The following GRID1 variants were observed in gnomAD, a reference collection of about 807,000 sequenced individuals.
GRID1 encodes the protein glutamate receptor ionotropic, delta-1.
A neutral mutation model predicts 98.0 loss-of-function variants in GRID1; 28 were observed. The ratio of observed to expected loss-of-function variants is 0.29; its 90% CI spans 0.21 to 0.39. The LOEUF (loss-of-function observed/expected upper bound fraction) is 0.39. Ranked by LOEUF, GRID1 falls within the 10% of genes least tolerant of loss-of-function variation. GRID1 has a pLI of 1.00. For synonymous variants in GRID1, 553 were observed against 538.5 expected (o/e 1.03, Z -0.37); for missense variants, 1,111 against 1,340.5 (o/e 0.83, Z 2.67).
chr10:86,163,472 CTACATATGTA>C (rs1451433870), intron 3 of GRID1, among the ~76,000 whole-genome samples: 10 of 150,126 alleles, frequency 6.7e-5, no homozygotes, highest in African/African-American at 2.5e-4. Context: ...TGCAGGTTTG[CTACATATGTA>C]TACATATGCC....
chr10:86,335,207 C>A (rs1057077203), intron 2 of GRID1, among the ~76,000 whole-genome samples: 3 of 152,258 alleles, frequency 2.0e-5, no homozygotes, highest in Admixed American at 6.5e-5. Context: ...TATCCCTCTG[C>A]CTCCTCCAGG....
intron 4 of GRID1, among the ~76,000 whole-genome samples, chr10:86,021,917 G>A (rs1354885246): frequency 6.6e-6 from 1 of 152,164 alleles, no homozygotes; most frequent in African/African-American, 2.4e-5. Context: ...GCTGCAGCCT[G>A]GGTCCCGGGC....
chr10:85,739,593 A>T (rs1177123880), intron 8 of GRID1, among the ~76,000 whole-genome samples: 2 of 152,038 alleles, frequency 1.3e-5, no homozygotes, highest in Non-Finnish European at 2.9e-5. Context: ...TCAACTCAAA[A>T]CAAAACAAAA....
intron 4 of GRID1, among the ~76,000 whole-genome samples, chr10:86,013,030 G>A (rs148198598): frequency 6.6e-6 from 1 of 152,246 alleles, no homozygotes; most frequent in African/African-American, 2.4e-5. Context: ...TGGACATCTG[G>A]ATCTACCCAT....
At chr10:86,012,236 T>C (rs539739354) in intron 4 of GRID1, among the ~76,000 whole-genome samples, 1 of 152,298 alleles carries the variant, frequency 6.6e-6, no homozygotes, top group African/African-American at 2.4e-5. Context: ...AGGGGAGTGC[T>C]AGCATTTTGG....
chr10:85,844,425 AC>A (rs1842987607), intron 8 of GRID1, among the ~76,000 whole-genome samples: 1 of 57,328 alleles, frequency 1.7e-5, no homozygotes, highest in Non-Finnish European at 3.2e-5. Flanking sequence ...CTAAATACAC[AC>A]ACACACACAC....
chr10:86,264,552 A>T, intron 2 of GRID1: 2 of 430,970 alleles, frequency 4.6e-6, no homozygotes, highest in Admixed American at 4.9e-5. Context: ...GAGGCTGGCC[A>T]CTCCACCTGG....
chr10:86,027,994 C>A (rs956002033), intron 4 of GRID1, among the ~76,000 whole-genome samples: 3 of 152,274 alleles, frequency 2.0e-5, no homozygotes, highest in South Asian at 4.2e-4. Context: ...ATCCTTCTAA[C>A]CACTCCTGGA....
intron 8 of GRID1, among the ~76,000 whole-genome samples, chr10:85,772,642 T>G (rs1052975478): frequency 2.0e-5 from 3 of 151,910 alleles, no homozygotes; most frequent in Admixed American, 6.6e-5. Flanking sequence ...AAAAGGGATA[T>G]CACCACCGAT....
intron 12 of GRID1, chr10:85,709,168 C>T (rs1013670854): frequency 8.0e-5 from 25 of 314,436 alleles, no homozygotes; most frequent in Middle Eastern, 1.3e-3. Context: ...AAAGGCCCAC[C>T]GAGGCTGGGC....
intron 3 of GRID1, among the ~76,000 whole-genome samples, chr10:86,185,018 G>C (rs1845709198): frequency 6.6e-6 from 1 of 152,078 alleles, no homozygotes; most frequent in Admixed American, 6.6e-5. Flanking sequence ...CCAAAAAGAA[G>C]AAGCATGCTG....
At chr10:86,326,404 A>G (rs1325085844) in intron 2 of GRID1, among the ~76,000 whole-genome samples, 1 of 152,194 alleles carries the variant, frequency 6.6e-6, no homozygotes, top group Non-Finnish European at 1.5e-5. Flanking sequence ...TACTCACAAG[A>G]ATTGCATGTG....
chr10:85,657,575 T>G lies in GRID1; in HGVS notation c.1998-10178A>C, dbSNP rs1840915190. Among the ~76,000 whole-genome samples the G allele has an allele frequency of 2.0e-5, 3 of 152,234 alleles. No individual in the cohort carries two copies. In the South Asian group the frequency reaches 6.2e-4, roughly 31 times the overall value. On this transcript the variant is annotated intron_variant, in intron 12 of 15. Transcript: ENST00000327946. Reference sequence around the variant, plus strand: ...TGTTGGAAAAGTCTTCATCTTGGGTTGACTAGTCTCCCTTCAGGACAACTG... The same window carrying G: ...TGTTGGAAAAGTCTTCATCTTGGGTGGACTAGTCTCCCTTCAGGACAACTG...
intron 5 of GRID1, among the ~76,000 whole-genome samples, chr10:85,881,644 A>G (rs1172779328): frequency 2.0e-5 from 3 of 152,204 alleles, no homozygotes; most frequent in African/African-American, 7.2e-5. Context: ...TAAAGACTTA[A>G]ATGTTAGACC....
chr10:85,989,344 C>T (rs1220852787), intron 4 of GRID1, among the ~76,000 whole-genome samples: 2 of 152,182 alleles, frequency 1.3e-5, no homozygotes, highest in Admixed American at 6.5e-5. Flanking sequence ...TCTGGGGAAT[C>T]AAAAACATGA....
chr10:85,972,098 C>T (rs1253715662), intron 4 of GRID1, among the ~76,000 whole-genome samples: 1 of 151,962 alleles, frequency 6.6e-6, no homozygotes, highest in Non-Finnish European at 1.5e-5. Context: ...AGCCAGACAT[C>T]TCCTGTGGAT....
At chr10:85,808,795 C>T (rs553795635) in intron 8 of GRID1, among the ~76,000 whole-genome samples, 3 of 152,118 alleles carry the variant, frequency 2.0e-5, no homozygotes, top group East Asian at 1.9e-4. Flanking sequence ...GATGGTACAA[C>T]GTATCTCCCA....
chr10:86,296,224 G>A (rs555738799), intron 2 of GRID1, among the ~76,000 whole-genome samples: 1 of 152,214 alleles, frequency 6.6e-6, no homozygotes, highest in Non-Finnish European at 1.5e-5. Flanking sequence ...GTGACAAGAA[G>A]GAAAATGCTA....
In GRID1 at chr10:86,261,988, G is replaced by A. The variant is rs117339656; in HGVS notation, c.236-55340C>T. 7.9e-5 allele frequency among the ~76,000 whole-genome samples: 12 copies of A among 152,386 alleles called. No individual in the cohort carries two copies. In the East Asian group the frequency reaches 2.1e-3, roughly 27 times the overall value. ...TCACTCTTCATGCCAGTCTCACAAA[G>A]TGAAAGCATTATTCTGGCATCGGCA... On this transcript the variant is annotated intron_variant, in intron 2 of 15. Transcript: ENST00000327946.
Sources: gnomAD v4.1 joint callset for allele counts (sites outside exome capture counted in the v4.1 genomes callset) on GRCh38, gnomAD v4.1.1 for gene constraint, MANE v1.5 for transcripts, NCBI Gene and HGNC (gene_info 2026-07-23, HGNC 2026-07-21) for gene names.